NKTR: variants seen among roughly 807,000 people sequenced by gnomAD.
NKTR encodes natural killer cell triggering receptor, also known as NK-tumor recognition protein.
In NKTR, 67 loss-of-function variants were observed where a neutral mutation model predicts 156.3. The observed-to-expected ratio is 0.43, with a 90% CI of 0.35 to 0.53. NKTR has a LOEUF of 0.53. Among genes scored for constraint, NKTR ranks in the 20% least tolerant of loss-of-function variants. The pLI, the probability that NKTR is intolerant of heterozygous loss-of-function variation, is 0.01. For missense variants in NKTR, 1,604 were observed against 1,730.9 expected, an observed-to-expected ratio of 0.93 and a Z score of 1.30; for synonymous variants, 640 against 596.6, an observed-to-expected ratio of 1.07 and a Z score of -1.06.
Position 42,621,638 on chromosome 3 carries a change from T to A in NKTR, c.374+122T>A, listed in dbSNP as rs1470852213. On this transcript the variant is annotated intron_variant, in intron 6 of 16. Coordinates refer to ENST00000232978, the MANE Select transcript of NKTR (RefSeq NM_005385.4). ...CTGTCAGCTTTATTTTTATTATTAA[T>A]TTCTAATATCATAGTAACTTATAAG... is the stretch of plus-strand genomic sequence containing the variant. The A allele has an allele frequency of 3.0e-6, 3 of 1,001,926 alleles. No homozygotes were observed. In the East Asian group the frequency reaches 8.6e-5, roughly 29 times the overall value. 62.1% of individuals were successfully genotyped at this position (1,001,926 alleles called of 1,614,324 possible). A position where few individuals can be genotyped will look rare whatever the true frequency, so the allele number is the denominator to read the frequency against.
At chr3:42,609,012 CA>C (rs766338691) in intron 2 of NKTR, among the ~76,000 whole-genome samples, 18 of 152,102 alleles carry the variant, frequency 1.2e-4, no homozygotes, top group Non-Finnish European at 1.5e-4. Flanking sequence ...CCTGTAATCA[CA>C]GCTACTCAGG....
chr3:42,603,789 G>T (rs1163304262), intron 2 of NKTR, among the ~76,000 whole-genome samples: 1 of 146,376 alleles, frequency 6.8e-6, no homozygotes, highest in Admixed American at 6.9e-5. Context: ...AGGCTGGAGT[G>T]CAGTGGTGCC....
intron 16 of NKTR, among the ~76,000 whole-genome samples, chr3:42,645,204 A>G (rs938386887): frequency 3.3e-5 from 5 of 151,414 alleles, no homozygotes; most frequent in Admixed American, 6.6e-5. Flanking sequence ...TTCTCAGGTA[A>G]TCTATTCAAA....
intron 6 of NKTR, among the ~76,000 whole-genome samples, chr3:42,626,527 G>T (rs987854575): frequency 6.6e-6 from 1 of 152,028 alleles, no homozygotes; most frequent in Admixed American, 6.6e-5. Flanking sequence ...TCTCTGAGAA[G>T]GTCCCTAAAA....
At chr3:42,607,226 G>A (rs1706320302) in intron 2 of NKTR, among the ~76,000 whole-genome samples, 2 of 152,102 alleles carry the variant, frequency 1.3e-5, no homozygotes, top group Admixed American at 1.3e-4. Context: ...TTTGACATGG[G>A]GTGGGTGCGT....
Position 42,646,237 on chromosome 3 carries a change from TTATC to T in NKTR, c.*266_*269del, listed in dbSNP as rs1205139341. The stretch of plus-strand genomic sequence containing the variant: ...TTCTTGAATCAAGAAATCGTGAAAT[TTATC>T]TATGTATAATTTGCAATATTATTTT... On this transcript the variant is annotated 3_prime_UTR_variant, in exon 17 of 17. Coordinates refer to ENST00000232978, the MANE Select transcript of NKTR (RefSeq NM_005385.4). The T allele has an allele frequency of 2.3e-5, 8 of 348,112 alleles. No homozygotes were observed. Among genetic ancestry groups the T allele is most frequent in the African/African-American group, 6.3e-5 (3 of 47,962 alleles). The allele number at this position is 348,112 out of a possible 1,614,324, so 21.6% of individuals were successfully genotyped here.
chr3:42,613,563 C>T (rs1269026943), intron 2 of NKTR, among the ~76,000 whole-genome samples: 1 of 152,182 alleles, frequency 6.6e-6, no homozygotes, highest in Non-Finnish European at 1.5e-5. Flanking sequence ...CATCTATGTA[C>T]ATAATACATG....
intron 6 of NKTR, chr3:42,627,615 A>G (rs1708509634): frequency 2.0e-6 from 2 of 985,136 alleles, no homozygotes; most frequent in Admixed American, 6.2e-5. Context: ...TATAAGGCTT[A>G]AATACCTTGC....
At chr3:42,621,672 A>G (rs1055220179) in intron 6 of NKTR, among the ~76,000 whole-genome samples, 156 bp downstream of exon 6, 6 of 152,002 alleles carry the variant, frequency 3.9e-5, no homozygotes, top group South Asian at 2.1e-4. Context: ...AGGTCTAACA[A>G]CTGCCTCAGC....
chr3:42,635,922 AT>A (rs1484153829), intron 12 of NKTR, among the ~76,000 whole-genome samples: 432 of 152,204 alleles, frequency 2.8e-3, no homozygotes, highest in Non-Finnish European at 5.0e-3. Context: ...AAAAAAAAAA[AT>A]AATTAGGACT....
At chr3:42,625,016 T>A (rs1708245883) in intron 6 of NKTR, among the ~76,000 whole-genome samples, 1 of 152,224 alleles carries the variant, frequency 6.6e-6, no homozygotes, top group Non-Finnish European at 1.5e-5. Context: ...AGTTCGTTTT[T>A]CTTAAACATT....
At chr3:42,635,111 C>A in intron 11 of NKTR, 110 bp from the exon 12 acceptor site, 8 of 581,534 alleles carry the variant, frequency 1.4e-5, no homozygotes, top group East Asian at 3.8e-5. Flanking sequence ...TAACTTCAAT[C>A]ATTACCTTTG....
intron 6 of NKTR, chr3:42,629,350 CTTAAG>C (rs1708689514): frequency 1.3e-5 from 12 of 946,312 alleles, no homozygotes; most frequent in East Asian, 1.2e-4. Context: ...TCTGGAACTT[CTTAAG>C]TTGACATTTT....
At chr3:42,616,993 C>T (rs1262305224) in intron 2 of NKTR, among the ~76,000 whole-genome samples, 1 of 152,130 alleles carries the variant, frequency 6.6e-6, no homozygotes, top group East Asian at 1.9e-4. Flanking sequence ...TGACCTCAGG[C>T]AACCCTCCCT....
chr3:42,609,975 A>G (rs1319492853), intron 2 of NKTR, among the ~76,000 whole-genome samples: 2 of 151,828 alleles, frequency 1.3e-5, no homozygotes, highest in African/African-American at 2.4e-5. Flanking sequence ...AATCTCTCCT[A>G]TTGTCCTCTT....
chr3:42,637,712 A>T lies in NKTR; in HGVS notation c.2008A>T (p.Asn670Tyr). 2 of 1,614,104 alleles carry T rather than the reference A, an allele frequency of 1.2e-6. No homozygotes were observed. The highest frequency in any genetic ancestry group is 1.7e-6 in the Non-Finnish European group (2 of 1,180,006). ...SSSSYHKREKNSESDQSTYSK... is the reference protein window; with the variant it reads ...SSSSYHKREKYSESDQSTYSK... ...ATCATCCTACCATAAAAGAGAAAAA[A>T]ATTCGGAAAGTGATCAGAGCACTTA... is the stretch of plus-strand genomic sequence containing the variant. Residue 670 changes from asparagine to tyrosine, a missense_variant, in exon 13 of 17, where the codon AAT becomes TAT. Transcript: ENST00000232978.
chr3:42,616,346 T>TA (rs1303984367), intron 2 of NKTR, among the ~76,000 whole-genome samples: 3 of 152,244 alleles, frequency 2.0e-5, no homozygotes, highest in African/African-American at 4.8e-5. Context: ...ATTTTATTGA[T>TA]ACGCTTTCAA....
intron 11 of NKTR, 160 bp from the exon 12 acceptor site, chr3:42,635,057 TAAAA>T (rs58779310): frequency 0.25 from 72,605 of 285,138 alleles, 5,589 homozygotes; most frequent in African/African-American, 0.39. Context: ...AGTTAAAAAC[TAAAA>T]AAAAAAAAAA....
At chr3:42,630,914 A>G in intron 7 of NKTR, 1 of 1,372,392 alleles carries the variant, frequency 7.3e-7, no homozygotes, top group Non-Finnish European at 9.4e-7. Flanking sequence ...CGAAATCTGA[A>G]TGTTACCAGA....
Sources: allele counts gnomAD v4.1 joint callset (sites outside exome capture counted in the v4.1 genomes callset), GRCh38; gene constraint gnomAD v4.1.1; transcripts MANE v1.5; gene names NCBI Gene and HGNC (gene_info 2026-07-23, HGNC 2026-07-21).